Variants in SH2D7 observed in about 807,000 individuals in gnomAD.
The protein encoded by SH2D7 is SH2 domain containing 7.
A neutral mutation model predicts 40.8 loss-of-function variants in SH2D7; 32 were observed. That is an observed-to-expected ratio of 0.78 (90% CI 0.59 to 1.05). The LOEUF is 1.05. Ranked by LOEUF, SH2D7 falls within the 50% of genes least tolerant of loss-of-function variation. The pLI is 0.00. For synonymous variants in SH2D7, 195 were observed against 221.5 expected (o/e 0.88, Z 1.06); for missense variants, 559 against 566.6 (o/e 0.99, Z 0.14).
Position 78,094,189 on chromosome 15 carries a change from T to C in SH2D7, c.254T>C (p.Ile85Thr). The C allele has an allele frequency of 6.2e-7, 1 of 1,609,072 alleles. No homozygotes were observed. Among genetic ancestry groups the C allele is most frequent in the Non-Finnish European group, 8.5e-7 (1 of 1,177,838 alleles). ...CTCAGTGACCGAGCCACTGGCTACATCTTGTCCTACAGGTAAGAGGGGAAG... is the reference window on the plus strand; with the variant it reads ...CTCAGTGACCGAGCCACTGGCTACACCTTGTCCTACAGGTAAGAGGGGAAG... Reference protein sequence around the residue: ...IRLSDRATGYILSYRGSDRCR... With the variant: ...IRLSDRATGYTLSYRGSDRCR... Residue 85 changes from isoleucine to threonine, a missense_variant, in exon 2 of 6, where the codon ATC becomes ACC. By Grantham distance (89) the Ile-to-Thr change is moderately conservative. Coordinates refer to ENST00000328828, the MANE Select transcript of SH2D7 (RefSeq NM_001101404.2).
upstream of SH2D7, among the ~76,000 whole-genome samples, chr15:78,091,841 G>A (rs1306740958): frequency 6.6e-6 from 1 of 152,170 alleles, no homozygotes; most frequent in Non-Finnish European, 1.5e-5. Context: ...ACTCCCCTAG[G>A]TACATGCTTG....
At chr15:78,091,460 C>A (rs1009465402), upstream of SH2D7, among the ~76,000 whole-genome samples, 1 of 152,134 alleles carries the variant, frequency 6.6e-6, no homozygotes, top group African/African-American at 2.4e-5. Flanking sequence ...TTTCTTGAGA[C>A]CCCACGTCAG....
intron 2 of SH2D7, among the ~76,000 whole-genome samples, chr15:78,096,399 T>C (rs554893660): frequency 6.6e-6 from 1 of 152,314 alleles, no homozygotes; most frequent in African/African-American, 2.4e-5. Context: ...ATGTTCAGCA[T>C]CATTAGCTAT....
At chr15:78,099,752 T>A (rs1343873306) in intron 4 of SH2D7, among the ~76,000 whole-genome samples, 1 of 152,104 alleles carries the variant, frequency 6.6e-6, no homozygotes, top group African/African-American at 2.4e-5. Context: ...CTCTGCTTCT[T>A]CACTGGAGGC....
rs1166675868 is a variant in SH2D7 at position 78,101,352 on chromosome 15, C to T, written c.1099C>T (p.Pro367Ser). Residue 367 changes from proline (P) to serine (S), a missense_variant, in exon 5 of 6, where the codon CCA becomes TCA. Pro to Ser is a moderately conservative substitution (Grantham distance 74). Transcript: ENST00000328828. ...EGLLQEARDT[P>S]DQEGSTYEQI... Reference sequence around the variant, plus strand: ...CCTCCTGCAAGAGGCCAGGGACACACCAGACCAAGAAGGCAGCACCTATGA... The same window carrying T: ...CCTCCTGCAAGAGGCCAGGGACACATCAGACCAAGAAGGCAGCACCTATGA... 6.2e-7 allele frequency: 1 copy of T among 1,613,516 alleles called. No homozygotes were observed. The highest frequency in any genetic ancestry group is 8.5e-7 in the Non-Finnish European group (1 of 1,179,760).
In SH2D7 at chr15:78,101,037, G is replaced by C. The variant is rs755599577; in HGVS notation, c.784G>C (p.Gly262Arg). 1 of 1,610,474 alleles carries C rather than the reference G, an allele frequency of 6.2e-7. No individual in the cohort carries two copies. Among genetic ancestry groups the C allele is most frequent in the South Asian group, 1.1e-5 (1 of 90,494 alleles). ...ARLGLGTEGS[G>R]RHGPVPAGSQ... ...GCTAGGCTTGGGCACAGAGGGGTCC[G>C]GCAGGCATGGGCCAGTTCCAGCTGG... Residue 262 changes from glycine to arginine, a missense_variant, in exon 5 of 6, where the codon GGC becomes CGC. Physicochemically the swap from Gly to Arg is moderately radical, Grantham distance 125. Transcript: ENST00000328828.
intron 1 of SH2D7, 128 bp downstream of exon 1, chr15:78,092,888 G>A (rs1204291171): frequency 1.2e-5 from 14 of 1,198,130 alleles, no homozygotes; most frequent in Admixed American, 2.9e-5. Context: ...CCTTGGAGGC[G>A]GGGGGCAGGG....
rs763921541 is a variant in SH2D7 at position 78,097,929 on chromosome 15, G to A, written c.267G>A (p.Arg89=). Residue 89 remains arginine (R), a splice_region_variant and synonymous_variant, in exon 3 of 6, where the codon AGG becomes AGA. Coordinates refer to ENST00000328828, the MANE Select transcript of SH2D7 (RefSeq NM_001101404.2). ...DRATGYILSY[R]GSDRCRHFVI... ...CAGACCACAAGCACTTGTGTTGCAG[G>A]GGCAGTGATCGCTGCCGACATTTTG... 5.6e-6 allele frequency: 9 copies of A among 1,613,430 alleles called. No individual in the cohort carries two copies. Among genetic ancestry groups the A allele is most frequent in the South Asian group, 1.1e-5 (1 of 91,026 alleles).
Position 78,101,376 on chromosome 15 carries a change from G to A in SH2D7, c.1123G>A (p.Glu375Lys). The change falls in exon 5 of 6, where the codon GAG becomes AAG. Residue 375 changes from glutamate (E) to lysine (K), a missense_variant. Glu to Lys is a moderately conservative substitution (Grantham distance 56). Transcript: ENST00000328828. ...ACCAGACCAAGAAGGCAGCACCTAT[G>A]AGCAGATCCCAGCTTGCTGGGGTGG... ...DTPDQEGSTYEQIPACWGGPA... is the reference protein window; with the variant it reads ...DTPDQEGSTYKQIPACWGGPA... The A allele has an allele frequency of 6.2e-7, 1 of 1,613,558 alleles. No individual in the cohort carries two copies. Among genetic ancestry groups the A allele is most frequent in the Non-Finnish European group, 8.5e-7 (1 of 1,179,754 alleles).
At chr15:78,101,656 C>A (rs2074018376) in intron 5 of SH2D7, 98 bp downstream of exon 5, 2 of 1,347,662 alleles carry the variant, frequency 1.5e-6, no homozygotes, top group Non-Finnish European at 2.0e-6. Context: ...GGTCAGGTCA[C>A]CGCCACTGCC....
At chr15:78,097,302 A>T (rs898223714) in intron 2 of SH2D7, among the ~76,000 whole-genome samples, 2 of 152,214 alleles carry the variant, frequency 1.3e-5, no homozygotes, top group African/African-American at 4.8e-5. Flanking sequence ...GAGGGTTCCT[A>T]TATGGAAATT....
chr15:78,101,927 A>G (rs56717133), intron 5 of SH2D7, among the ~76,000 whole-genome samples: 26,018 of 152,138 alleles, frequency 0.17, 2,488 homozygotes, highest in Non-Finnish European at 0.22. Flanking sequence ...TTCCAGGACA[A>G]CCAGTTAAAC....
chr15:78,092,640 A>G lies in SH2D7; in HGVS notation c.56A>G (p.Asp19Gly). 1 of 1,560,964 alleles carries G rather than the reference A, an allele frequency of 6.4e-7. No individual in the cohort carries two copies. Among genetic ancestry groups the G allele is most frequent in the Non-Finnish European group, 8.7e-7 (1 of 1,152,610 alleles). The change falls in exon 1 of 6, where the codon GAC becomes GGC. Residue 19 changes from aspartate (D) to glycine (G), a missense_variant. By Grantham distance (94) the Asp-to-Gly change is moderately conservative. Coordinates refer to ENST00000328828, the MANE Select transcript of SH2D7 (RefSeq NM_001101404.2). ...GGGAGAGATCCTGAGGGGGCAGGGG[A>G]CAGCCAGGCCCTGGCTGAGCTCCAG... is the stretch of plus-strand genomic sequence containing the variant. ...SLGRDPEGAG[D>G]SQALAELQEL...
At chr15:78,098,881 G>A (rs2073993901) in intron 4 of SH2D7, among the ~76,000 whole-genome samples, 1 of 152,222 alleles carries the variant, frequency 6.6e-6, no homozygotes, top group Non-Finnish European at 1.5e-5. Flanking sequence ...CCATGCCTGA[G>A]GTTCTTGTGA....
upstream of SH2D7, among the ~76,000 whole-genome samples, chr15:78,092,371 G>A (rs1170576931): frequency 6.6e-6 from 1 of 152,144 alleles, no homozygotes; most frequent in Non-Finnish European, 1.5e-5. Context: ...AGGCTGCTAC[G>A]GTGATTGTTC....
chr15:78,092,178 C>T (rs1021738408), upstream of SH2D7, among the ~76,000 whole-genome samples: 4 of 152,200 alleles, frequency 2.6e-5, no homozygotes, highest in African/African-American at 9.6e-5. Flanking sequence ...ATAGCCTCCA[C>T]GAAGGAAGGA....
chr15:78,099,476 G>A (rs2073998140), intron 4 of SH2D7, among the ~76,000 whole-genome samples: 1 of 137,968 alleles, frequency 7.2e-6, no homozygotes. Flanking sequence ...ACCATGCCTG[G>A]CTAATTTTTT....
Position 78,101,165 on chromosome 15 carries a change from A to G in SH2D7, c.912A>G (p.Pro304=), listed in dbSNP as rs1417555376. 5 of 1,573,546 alleles carry G rather than the reference A, an allele frequency of 3.2e-6. No individual in the cohort carries two copies. The highest frequency in any genetic ancestry group is 4.3e-6 in the Non-Finnish European group (5 of 1,162,728). Residue 304 remains proline (P), a synonymous_variant, in exon 5 of 6, where the codon CCA becomes CCG. Coordinates refer to ENST00000328828, the MANE Select transcript of SH2D7 (RefSeq NM_001101404.2). ...GGCCTGTCCTTTCTGGGGTGAGCCC[A>G]GACCAGGGTCCCACAGAGTCTCCCA... ...GLGPVLSGVS[P]DQGPTESPTS... is the part of the protein sequence containing the mutation.
At chr15:78,097,880 T>C in intron 2 of SH2D7, 49 bp from the exon 3 acceptor site, 12 of 1,595,312 alleles carry the variant, frequency 7.5e-6, no homozygotes, top group Non-Finnish European at 1.0e-5. Flanking sequence ...GGGCCAAGGC[T>C]GGGCTGCCTG....
Sources: allele counts gnomAD v4.1 joint callset (sites outside exome capture counted in the v4.1 genomes callset), GRCh38; gene constraint gnomAD v4.1.1; transcripts MANE v1.5; gene names NCBI Gene and HGNC (gene_info 2026-07-23, HGNC 2026-07-21).